The following FBXL2 variants were observed in gnomAD, a reference collection of about 807,000 sequenced individuals.
FBXL2 encodes F-box/LRR-repeat protein 2.
Under a neutral mutation model 69.2 loss-of-function variants are expected in FBXL2, and 38 were observed. The observed-to-expected ratio is 0.55, with a 90% CI of 0.42 to 0.72. FBXL2 has a LOEUF of 0.72. Among genes scored for constraint, FBXL2 ranks in the 30% least tolerant of loss-of-function variants. The pLI is 0.00. For missense variants in FBXL2, 354 were observed against 520.3 expected (o/e 0.68, Z 3.11); for synonymous variants, 192 against 201.3 (o/e 0.95, Z 0.39).
intron 1 of FBXL2, among the ~76,000 whole-genome samples, chr3:33,297,217 A>C (rs1437541933): frequency 6.6e-6 from 1 of 152,150 alleles, no homozygotes. Flanking sequence ...CTATGTGGAA[A>C]TACAGTTTAT....
At position 33,297,664 on chromosome 3, in the gene FBXL2, GT is replaced by G; in HGVS notation, c.8del (p.Phe3SerfsTer19). M[V>X]FSNNDEGLIN... is the part of the protein sequence containing the mutation. ...ATTTCCTTTTTTTTTTTCTTTCCAG[GT>G]TTTCTCAAACAATGATGAAGGCCTT... On this transcript the variant is annotated frameshift_variant and splice_region_variant, in exon 2 of 15. Transcript: ENST00000484457. LOFTEE classifies it high-confidence loss of function. 6.5e-7 allele frequency: 1 copy of G among 1,547,480 alleles called. No individual in the cohort carries two copies.
At chr3:33,303,876 T>C (rs1432357857) in intron 2 of FBXL2, among the ~76,000 whole-genome samples, 1 of 151,916 alleles carries the variant, frequency 6.6e-6, no homozygotes, top group Admixed American at 6.6e-5. Context: ...TATAAACAGA[T>C]GCTCAACAAG....
chr3:33,322,219 C>T (rs56079723), intron 2 of FBXL2, among the ~76,000 whole-genome samples: 2,815 of 151,476 alleles, frequency 0.019, 48 homozygotes, highest in Non-Finnish European at 0.029. Context: ...CTGGGACTAC[C>T]GGTGCCTGCC....
At chr3:33,409,607 A>T in the FBXL2 span, 1 of 1,614,112 alleles carries the variant, frequency 6.2e-7, no homozygotes, top group Non-Finnish European at 8.5e-7. Flanking sequence ...TGTACCTATA[A>T]AACGATTCAG....
Position 33,373,631 on chromosome 3 carries a change from C to T in FBXL2, c.509C>T (p.Thr170Met). Reference sequence around the variant, plus strand: ...AACCTCTCTTGGTGTGATCAGATCACGAAGGATGGCATCGAGGCACTGGTG... The same window carrying T: ...AACCTCTCTTGGTGTGATCAGATCATGAAGGATGGCATCGAGGCACTGGTG... Reference protein sequence around the residue: ...YLNLSWCDQITKDGIEALVRG... With the variant: ...YLNLSWCDQIMKDGIEALVRG... Residue 170 changes from threonine (T) to methionine (M), a missense_variant, in exon 8 of 15, where the codon ACG becomes ATG. Coordinates refer to ENST00000484457, the MANE Select transcript of FBXL2 (RefSeq NM_012157.5). The T allele has an allele frequency of 1.2e-6, 2 of 1,614,178 alleles. No homozygotes were observed.
downstream of FBXL2, chr3:33,391,680 G>A (rs1391770777): frequency 6.6e-6 from 1 of 152,120 alleles, no homozygotes; most frequent in African/African-American, 2.4e-5. Context: ...CTCAAAAGTG[G>A]AGCCCACTGG....
At chr3:33,390,557 CT>C, downstream of FBXL2, 1 of 627,422 alleles carries the variant, frequency 1.6e-6, no homozygotes, top group Non-Finnish European at 2.8e-6. Context: ...TACACATTCC[CT>C]TTTTAGACAT....
At chr3:33,316,876 G>T (rs1220152000) in intron 2 of FBXL2, among the ~76,000 whole-genome samples, 1 of 147,160 alleles carries the variant, frequency 6.8e-6, no homozygotes, top group African/African-American at 2.4e-5. Context: ...CACAGTCAGT[G>T]TATAGAATTT....
Position 33,277,455 on chromosome 3 carries a change from C to A in FBXL2, c.-58C>A, listed in dbSNP as rs1359929581. On this transcript the variant is annotated 5_prime_UTR_variant, in exon 1 of 15. Transcript: ENST00000484457. ...CGCCTGGCTGGCGTCACCAGGACAA[C>A]GGGCGTCGCCGGCGCCGTGTGACTT... 13 of 1,262,544 alleles carry A rather than the reference C, an allele frequency of 1.0e-5. No individual in the cohort carries two copies. The highest frequency in any genetic ancestry group is 1.2e-5 in the Non-Finnish European group (12 of 997,268). The allele number at this position is 1,262,544 out of a possible 1,614,324, so 78.2% of individuals were successfully genotyped here.
At chr3:33,295,332 T>G (rs988251514) in intron 1 of FBXL2, among the ~76,000 whole-genome samples, 22 of 152,340 alleles carry the variant, frequency 1.4e-4, no homozygotes, top group African/African-American at 5.3e-4. Context: ...TAATGTAAAT[T>G]GAAACATACA....
chr3:33,320,505 G>A (rs557419605), intron 2 of FBXL2, among the ~76,000 whole-genome samples: 158 of 150,264 alleles, frequency 1.1e-3, no homozygotes, highest in Non-Finnish European at 1.8e-3. Flanking sequence ...TTTTTTAGAC[G>A]GAGTCTTGCT....
At chr3:33,360,222 T>A (rs934729139) in intron 4 of FBXL2, among the ~76,000 whole-genome samples, 4 of 152,200 alleles carry the variant, frequency 2.6e-5, no homozygotes, top group African/African-American at 9.7e-5. Flanking sequence ...ATTGGTTTTT[T>A]TTTGTTTGTT....
In FBXL2 at chr3:33,397,137, TAG is replaced by T. The variant is rs748534684; in HGVS notation, n.1215-6093_1215-6092del. 4.4e-6 allele frequency: 7 copies of T among 1,574,886 alleles called. No individual in the cohort carries two copies. The East Asian group carries it at 1.6e-4, about 35-fold the overall frequency. On this transcript the variant is annotated intron_variant and non_coding_transcript_variant, in intron 12 of 12. Transcript: ENST00000463736. ...TTGTCAGTTTTAATAAGTCGGCACCTAGAGAAGAGCAAAAATATTTTTCTCAA... is the reference window on the plus strand; with the variant it reads ...TTGTCAGTTTTAATAAGTCGGCACCTAGAAGAGCAAAAATATTTTTCTCAA...
chr3:33,315,233 T>C (rs2037573281), intron 2 of FBXL2, among the ~76,000 whole-genome samples: 1 of 151,836 alleles, frequency 6.6e-6, no homozygotes, highest in African/African-American at 2.4e-5. Context: ...TCCTTTTTTT[T>C]CTTTCTTTTT....
At chr3:33,310,061 T>G (rs375437521) in intron 2 of FBXL2, among the ~76,000 whole-genome samples, 8 of 152,348 alleles carry the variant, frequency 5.3e-5, no homozygotes, top group Admixed American at 1.3e-4. Flanking sequence ...CTTGACATTT[T>G]AGGTTTTTGA....
Position 33,384,073 on chromosome 3 carries a change from C to G in FBXL2, c.1036C>G (p.Leu346Val). Residue 346 changes from leucine to valine, a missense_variant, in exon 14 of 15, where the codon CTG (leucine) becomes GTG (valine). Coordinates refer to ENST00000484457, the MANE Select transcript of FBXL2 (RefSeq NM_012157.5). Reference protein sequence around the residue: ...STCGHERLRVLELDNCLLITD... With the variant: ...STCGHERLRVVELDNCLLITD... Reference sequence around the variant, plus strand: ...CTGTGGCCATGAGAGGCTGCGGGTACTGGAGTTGGACAACTGCCTCCTCAT... The same window carrying G: ...CTGTGGCCATGAGAGGCTGCGGGTAGTGGAGTTGGACAACTGCCTCCTCAT... 1 of 1,614,180 alleles carries G rather than the reference C, an allele frequency of 6.2e-7. No homozygotes were observed. Among genetic ancestry groups the G allele is most frequent in the Non-Finnish European group, 8.5e-7 (1 of 1,180,030 alleles).
At chr3:33,380,135 G>A (rs1448357072) in intron 13 of FBXL2, among the ~76,000 whole-genome samples, 1 of 150,224 alleles carries the variant, frequency 6.7e-6, no homozygotes, top group Non-Finnish European at 1.5e-5. Context: ...TGAGACAGGG[G>A]AACTGCTTGA....
intron 12 of FBXL2, among the ~76,000 whole-genome samples, chr3:33,399,473 TAGC>T (rs1410007222): frequency 6.6e-6 from 1 of 152,142 alleles, no homozygotes; most frequent in Non-Finnish European, 1.5e-5. Context: ...AAACACTACT[TAGC>T]AGTAAAAAGG....
At chr3:33,297,804 G>A (rs1386417093) in intron 2 of FBXL2, 79 bp downstream of exon 2, 3 of 861,384 alleles carry the variant, frequency 3.5e-6, no homozygotes, top group Middle Eastern at 4.5e-4. Flanking sequence ...CTTTCTCACT[G>A]TGAGTCCATA....
Sources: allele counts gnomAD v4.1 joint callset (sites outside exome capture counted in the v4.1 genomes callset), GRCh38; gene constraint gnomAD v4.1.1; transcripts MANE v1.5; gene names NCBI Gene and HGNC (gene_info 2026-07-23, HGNC 2026-07-21).